Variants in SON observed in about 807,000 individuals in gnomAD.
SON encodes the protein SON DNA and RNA binding protein, also known as protein SON.
In SON, 4 loss-of-function variants were observed where a neutral mutation model predicts 173.3. The observed-to-expected ratio is 0.02, with a 90% CI of 0.01 to 0.05. The LOEUF (loss-of-function observed/expected upper bound fraction) is 0.05, where lower values mean the gene tolerates loss of function less well. Ranked by LOEUF, SON falls within the 10% of genes least tolerant of loss-of-function variation. SON has a pLI of 1.00. For missense variants in SON, 2,626 were observed against 3,055.3 expected (o/e 0.86, Z 3.31); for synonymous variants, 1,190 against 1,105.9 (o/e 1.08, Z -1.51).
rs759650116 is a variant in SON, at chr21:33,551,572, A to G, written c.2341A>G (p.Met781Val). ...CTCCCAGATGTTAGCAACTAGCTCC[A>G]TGGACTCCCAGATGTTAGCAACTAG... is the stretch of plus-strand genomic sequence containing the variant. ...MDSQMLATSS[M>V]DSQMLATSTM... is the part of the protein sequence containing the mutation. The change falls in exon 3 of 12, where the codon ATG becomes GTG. Residue 781 changes from methionine to valine, a missense_variant. This residue lies in a region of SON where 182 missense variants were observed against 193.6 expected (regional missense o/e 0.94). Coordinates refer to ENST00000356577, the MANE Select transcript of SON (RefSeq NM_138927.4). The G allele has an allele frequency of 8.7e-6, 14 of 1,613,532 alleles. No individual in the cohort carries two copies. The African/African-American group carries it at 1.1e-4, about 12-fold the overall frequency.
At chr21:33,557,344 C>T (rs1370449676) in intron 4 of SON, 28 bp downstream of exon 4, 1 of 1,611,244 alleles carries the variant, frequency 6.2e-7, no homozygotes, top group Non-Finnish European at 8.5e-7. Context: ...TGTTTTCATT[C>T]TTAAATGGAT....
At chr21:33,562,860 G>T (rs2086093500) in intron 6 of SON, among the ~76,000 whole-genome samples, 1 of 152,192 alleles carries the variant, frequency 6.6e-6, no homozygotes, top group South Asian at 2.1e-4. Context: ...CATAAGTGGA[G>T]TAGTAACTAC....
chr21:33,563,931 CT>C (rs1569064286), intron 6 of SON, among the ~76,000 whole-genome samples: 1 of 152,186 alleles, frequency 6.6e-6, no homozygotes, highest in Non-Finnish European at 1.5e-5. Flanking sequence ...ATTCAGGACA[CT>C]TTTTATGTAA....
rs902405302 is a variant in SON at position 33,549,832 on chromosome 21, A to G, written c.601A>G (p.Ile201Val). 6.2e-6 allele frequency: 10 copies of G among 1,614,142 alleles called. No homozygotes were observed. The highest frequency in any genetic ancestry group is 1.3e-5 in the African/African-American group (1 of 74,956). ...VVSMEVSEPH[I>V]LETLKPATKT... ...ATCAATGGAGGTATCAGAGCCACAC[A>G]TCTTAGAAACTCTGAAGCCAGCTAC... Residue 201 changes from isoleucine to valine, a missense_variant, in exon 3 of 12, where the codon ATC becomes GTC. By Grantham distance (29) the Ile-to-Val change is conservative (BLOSUM62 3). This residue lies in a region of SON where 757 missense variants were observed against 730.1 expected (regional missense o/e 1.04). Coordinates refer to ENST00000356577, the MANE Select transcript of SON (RefSeq NM_138927.4).
At position 33,553,948 on chromosome 21, in the gene SON, A is replaced by G. The variant is rs1422564834; in HGVS notation, c.4717A>G (p.Lys1573Glu). Residue 1573 changes from lysine to glutamate, a missense_variant, in exon 3 of 12, where the codon AAA (lysine) becomes GAA (glutamate). Around this residue, in one of 13 missense-constraint regions of SON, gnomAD observed 1,006 missense variants for 895.6 expected, o/e 1.12. Transcript: ENST00000356577. Reference sequence around the variant, plus strand: ...GAAAATTTTGCCCACCAGTGAGACTAAACAGCGCACAGTATTGGATACCTA... The same window carrying G: ...GAAAATTTTGCCCACCAGTGAGACTGAACAGCGCACAGTATTGGATACCTA... The part of the protein sequence containing the change: ...EEKILPTSET[K>E]QRTVLDTYPG... The G allele has an allele frequency of 1.9e-6, 3 of 1,614,030 alleles. No homozygotes were observed. The highest frequency in any genetic ancestry group is 1.1e-5 in the South Asian group (1 of 91,086).
At chr21:33,570,648 T>C (rs969014176) in intron 8 of SON, among the ~76,000 whole-genome samples, 5 of 152,222 alleles carry the variant, frequency 3.3e-5, no homozygotes, top group African/African-American at 1.2e-4. Context: ...AAAAAATGTC[T>C]TTCATCTTTG....
In SON at chr21:33,567,261, G is replaced by A. The variant is rs183067214; in HGVS notation, c.6762G>A (p.Gln2254=). Residue 2254 remains glutamine, a synonymous_variant, in exon 7 of 12, where the codon CAG becomes CAA. Transcript: ENST00000356577. The part of the protein sequence containing the change: ...LEAMSMLNRA[Q]ERIDAWAQLN... The stretch of plus-strand genomic sequence containing the variant: ...CCATGAGCATGTTAAATAGAGCTCA[G>A]GAAAGGGTATGTAGCAGTTTTTTAA... 62 of 1,563,714 alleles carry A rather than the reference G, an allele frequency of 4.0e-5. 1 individual carries two copies. In the Admixed American group the frequency reaches 6.7e-4, roughly 17 times the overall value.
intron 1 of SON, among the ~76,000 whole-genome samples, chr21:33,543,687 C>T (rs985059759): frequency 3.3e-5 from 5 of 152,220 alleles, no homozygotes; most frequent in Admixed American, 6.5e-5. Flanking sequence ...TATTCGGGGC[C>T]TAGTGTCCTG....
chr21:33,561,423 T>C (rs1005392527), intron 6 of SON, among the ~76,000 whole-genome samples: 17 of 152,174 alleles, frequency 1.1e-4, no homozygotes, highest in Admixed American at 7.2e-4. Flanking sequence ...TCCTGCAGTT[T>C]AAGCATTTAA....
At chr21:33,564,617 T>C (rs1007398848) in intron 6 of SON, among the ~76,000 whole-genome samples, 10 of 152,158 alleles carry the variant, frequency 6.6e-5, no homozygotes, top group African/African-American at 2.2e-4. Flanking sequence ...TCCCAGAAAT[T>C]TGGGAGGCCA....
At position 33,553,180 on chromosome 21, in the gene SON, G is replaced by T. The variant is rs991834232; in HGVS notation, c.3949G>T (p.Ala1317Ser). 2 of 1,614,000 alleles carry T rather than the reference G, an allele frequency of 1.2e-6. No homozygotes were observed. The highest frequency in any genetic ancestry group is 2.7e-5 in the African/African-American group (2 of 74,916). Residue 1317 changes from alanine (A) to serine (S), a missense_variant, in exon 3 of 12, where the codon GCC becomes TCC. Ala to Ser is a moderately conservative substitution (Grantham distance 99). Around this residue, in one of 13 missense-constraint regions of SON, gnomAD observed 1,006 missense variants for 895.6 expected, o/e 1.12. Transcript: ENST00000356577. ...AGCAGAAACATTTGATTCCATGAGA[G>T]CCTCAGGACATGTTGCCTCAGAAGT... ...ETAETFDSMR[A>S]SGHVASEVST... is the part of the protein sequence containing the mutation.
At chr21:33,543,575 T>A (rs551943766) in intron 1 of SON, 89 of 257,672 alleles carry the variant, frequency 3.5e-4, no homozygotes, top group African/African-American at 1.9e-3. Flanking sequence ...CCGGTGCCTA[T>A]GACCGGAAAG....
At chr21:33,576,278 T>C (rs1235716499) in intron 11 of SON, 87 bp from the exon 12 acceptor site, 5 of 759,194 alleles carry the variant, frequency 6.6e-6, no homozygotes, top group South Asian at 1.5e-5. Context: ...TTTTTGTAAA[T>C]TATTTTTCTA....
At chr21:33,548,816 C>T (rs957598994) in intron 2 of SON, among the ~76,000 whole-genome samples, 3 of 152,166 alleles carry the variant, frequency 2.0e-5, no homozygotes, top group African/African-American at 7.2e-5. Flanking sequence ...CAACTAATAA[C>T]ATGAAATATA....
intron 6 of SON, among the ~76,000 whole-genome samples, chr21:33,561,940 T>C (rs754769346): frequency 2.6e-5 from 4 of 152,198 alleles, no homozygotes; most frequent in Non-Finnish European, 5.9e-5. Context: ...TGGGACGATA[T>C]ATGTAACTAT....
In SON at chr21:33,543,114, A is replaced by G. The variant is rs749136527; in HGVS notation, c.22A>G (p.Ile8Val). 5 of 1,614,256 alleles carry G rather than the reference A, an allele frequency of 3.1e-6. No homozygotes were observed. The highest frequency in any genetic ancestry group is 2.2e-5 in the East Asian group (1 of 44,886). Residue 8 changes from isoleucine to valine, a missense_variant, in exon 1 of 12, where the codon ATT becomes GTT. Physicochemically the swap from Ile to Val is conservative, Grantham distance 29. Transcript: ENST00000356577. MATNIEQ[I>V]FRSFVVSKFR... The stretch of plus-strand genomic sequence containing the variant: ...CGCCATGGCGACCAACATCGAGCAG[A>G]TTTTTAGGTCTTTCGTGGTCAGTAA...
intron 2 of SON, among the ~76,000 whole-genome samples, chr21:33,547,695 C>T (rs1020889346): frequency 8.7e-6 from 1 of 115,516 alleles, no homozygotes; most frequent in Non-Finnish European, 1.9e-5. Flanking sequence ...GATTTATTTT[C>T]TTCTGTAGTC....
intron 3 of SON, among the ~76,000 whole-genome samples, chr21:33,555,782 C>T (rs2085954782): frequency 6.6e-6 from 1 of 152,152 alleles, no homozygotes; most frequent in African/African-American, 2.4e-5. Flanking sequence ...CCTAAAATTA[C>T]AATGTTCCTT....
intron 6 of SON, among the ~76,000 whole-genome samples, chr21:33,564,930 C>A (rs2086139687): frequency 6.7e-6 from 1 of 150,148 alleles, no homozygotes; most frequent in African/African-American, 2.5e-5. Flanking sequence ...TTGACATGAA[C>A]TTGCAGCTCC....
Sources: gnomAD v4.1 joint callset for allele counts (sites outside exome capture counted in the v4.1 genomes callset) on GRCh38, gnomAD v4.1.1 for gene constraint, gnomAD v4.1.1 regional missense constraint, MANE v1.5 for transcripts, NCBI Gene and HGNC (gene_info 2026-07-23, HGNC 2026-07-21) for gene names.